The following CYTH1 variants were observed in gnomAD, a reference collection of about 807,000 sequenced individuals.
CYTH1 encodes the protein cytohesin 1.
CYTH1 carries 18 observed loss-of-function variants against 61.8 expected under a neutral mutation model. That is an observed-to-expected ratio of 0.29 (90% CI 0.20 to 0.43). CYTH1 has a LOEUF of 0.43. Ranked by LOEUF, CYTH1 falls within the 20% of genes least tolerant of loss-of-function variation. CYTH1 has a pLI of 1.00. For synonymous variants in CYTH1, 174 were observed against 184.3 expected (o/e 0.94, Z 0.45); for missense variants, 336 against 510.5 (o/e 0.66, Z 3.29).
chr17:78,781,207 T>C (rs1019096830), intron 1 of CYTH1, among the ~76,000 whole-genome samples: 8 of 151,760 alleles, frequency 5.3e-5, no homozygotes, highest in Non-Finnish European at 1.0e-4. Context: ...CCATTAGTTA[T>C]TAAACTAGAA....
At chr17:78,743,017 T>C (rs912813537) in intron 1 of CYTH1, among the ~76,000 whole-genome samples, 1 of 152,214 alleles carries the variant, frequency 6.6e-6, no homozygotes, top group Non-Finnish European at 1.5e-5. Context: ...GCTTCTGTTG[T>C]ATTTATTTAG....
chr17:78,701,766 C>T lies in CYTH1; in HGVS notation c.357-15G>A. ...TAAACTCATCTCTATCGAGAAAAGA[C>T]AAAAAATGGGAGAGAAAGCAGGAGT... On this transcript the variant is annotated splice_polypyrimidine_tract_variant and intron_variant, in intron 5 of 13. Coordinates refer to ENST00000446868, the MANE Select transcript of CYTH1 (RefSeq NM_004762.6). 2 of 1,613,406 alleles carry T rather than the reference C, an allele frequency of 1.2e-6. No individual in the cohort carries two copies. Among genetic ancestry groups the T allele is most frequent in the Non-Finnish European group, 1.7e-6 (2 of 1,179,550 alleles).
intron 11 of CYTH1, among the ~76,000 whole-genome samples, chr17:78,685,225 G>A (rs1456353790): frequency 5.5e-4 from 73 of 133,194 alleles, no homozygotes; most frequent in African/African-American, 1.5e-3. Flanking sequence ...AAAAAAAAAA[G>A]GTTTTACTTA....
intron 1 of CYTH1, among the ~76,000 whole-genome samples, chr17:78,720,277 G>A (rs1302089186): frequency 1.3e-5 from 2 of 152,120 alleles, no homozygotes; most frequent in Admixed American, 6.6e-5. Context: ...GGCCTGGCAT[G>A]GTGGCTCATG....
At chr17:78,775,238 G>C (rs558852729) in intron 1 of CYTH1, among the ~76,000 whole-genome samples, 3 of 152,208 alleles carry the variant, frequency 2.0e-5, no homozygotes, top group Admixed American at 6.5e-5. Flanking sequence ...AGATTGGGGG[G>C]GCCGCTGGGG....
chr17:78,726,751 G>A (rs533304288), intron 1 of CYTH1, among the ~76,000 whole-genome samples: 1 of 152,202 alleles, frequency 6.6e-6, no homozygotes, highest in East Asian at 1.9e-4. Flanking sequence ...TGAGTTGGGC[G>A]AGAGATAAAG....
At chr17:78,702,831 A>G (rs1017150111) in intron 3 of CYTH1, among the ~76,000 whole-genome samples, 6 of 150,990 alleles carry the variant, frequency 4.0e-5, no homozygotes, top group Non-Finnish European at 7.4e-5. Context: ...GGTTTTCTTT[A>G]TTTTTTTTTG....
chr17:78,703,304 C>T (rs934696382), intron 3 of CYTH1, among the ~76,000 whole-genome samples: 4 of 146,266 alleles, frequency 2.7e-5, no homozygotes, highest in African/African-American at 7.6e-5. Context: ...CCCAGCTACT[C>T]GGGAGGCTGA....
chr17:78,697,529 G>A (rs1343737902), intron 9 of CYTH1, among the ~76,000 whole-genome samples: 2 of 151,370 alleles, frequency 1.3e-5, no homozygotes, highest in South Asian at 2.1e-4. Flanking sequence ...CTGGCAAAGG[G>A]AAGAGAAATG....
chr17:78,709,931 A>T (rs1376778189), intron 1 of CYTH1, among the ~76,000 whole-genome samples, 199 bp from the exon 2 acceptor site: 1 of 152,266 alleles, frequency 6.6e-6, no homozygotes, highest in Non-Finnish European at 1.5e-5. Context: ...CACACAGAAA[A>T]GCTCTGAGAA....
chr17:78,696,285 A>G (rs1261477748), intron 9 of CYTH1, among the ~76,000 whole-genome samples: 1 of 152,232 alleles, frequency 6.6e-6, no homozygotes, highest in Non-Finnish European at 1.5e-5. Context: ...CCTGGCCCCA[A>G]AGATGCCACA....
At chr17:78,760,441 A>G (rs192335830) in intron 1 of CYTH1, among the ~76,000 whole-genome samples, 6,885 of 55,098 alleles carry the variant, frequency 0.12, 1,281 homozygotes, top group Non-Finnish European at 0.16. Context: ...ACATATATAT[A>G]TGTATATATA....
intron 1 of CYTH1, among the ~76,000 whole-genome samples, chr17:78,764,921 G>A (rs1374910408): frequency 6.6e-6 from 1 of 151,966 alleles, no homozygotes; most frequent in Non-Finnish European, 1.5e-5. Flanking sequence ...GTAGGTTCCC[G>A]GGGGATGAGC....
At chr17:78,721,573 G>A (rs549595787) in intron 1 of CYTH1, among the ~76,000 whole-genome samples, 3 of 152,088 alleles carry the variant, frequency 2.0e-5, no homozygotes, top group East Asian at 1.9e-4. Flanking sequence ...GGAAGACTTC[G>A]GTCCTCTTCT....
chr17:78,675,845 C>T lies in CYTH1; in HGVS notation c.*246G>A, dbSNP rs944214675. The T allele has an allele frequency of 2.8e-5, 40 of 1,451,494 alleles. No individual in the cohort carries two copies. The African/African-American group carries it at 5.3e-4, about 19-fold the overall frequency. 89.9% of individuals were successfully genotyped at this position (1,451,494 alleles called of 1,614,324 possible). The stretch of plus-strand genomic sequence containing the variant: ...CAGGAGGCTGCCCTGCCGACAAGAG[C>T]TCTGCCCTGTGAGAGAGGAAGGCTC... On this transcript the variant is annotated 3_prime_UTR_variant, in exon 14 of 14. Coordinates refer to ENST00000446868, the MANE Select transcript of CYTH1 (RefSeq NM_004762.6).
At chr17:78,676,271 C>A in intron 13 of CYTH1, 102 bp from the exon 14 acceptor site, 1 of 1,106,412 alleles carries the variant, frequency 9.0e-7, no homozygotes, top group South Asian at 1.4e-5. Context: ...CCCAGAACAC[C>A]TGTCCCACCC....
At chr17:78,702,513 C>T (rs371408433) in intron 4 of CYTH1, 25 bp downstream of exon 4, 2 of 1,612,202 alleles carry the variant, frequency 1.2e-6, no homozygotes, top group Non-Finnish European at 1.7e-6. Flanking sequence ...TAATATGGAC[C>T]ACTTCCCGCT....
chr17:78,684,157 T>C (rs1201210543), intron 11 of CYTH1, among the ~76,000 whole-genome samples: 2 of 152,214 alleles, frequency 1.3e-5, no homozygotes, highest in African/African-American at 4.8e-5. Flanking sequence ...GTATCCTTCC[T>C]GGCCCCCCCT....
intron 2 of CYTH1, chr17:78,709,291 G>C (rs71385983): frequency 0.1 from 11,982 of 115,188 alleles, 747 homozygotes; most frequent in South Asian, 0.24. Flanking sequence ...GAGCCAGGGC[G>C]TGGGCCGAGC....
Sources: allele counts gnomAD v4.1 joint callset (sites outside exome capture counted in the v4.1 genomes callset), GRCh38; gene constraint gnomAD v4.1.1; transcripts MANE v1.5; gene names NCBI Gene and HGNC (gene_info 2026-07-23, HGNC 2026-07-21).